CACNA2D3: variants seen among roughly 807,000 people sequenced by gnomAD.
CACNA2D3 encodes calcium voltage-gated channel auxiliary subunit alpha2delta 3, also known as voltage-dependent calcium channel subunit alpha-2/delta-3.
A neutral mutation model predicts 160.6 loss-of-function variants in CACNA2D3; 60 were observed. The ratio of observed to expected loss-of-function variants is 0.37; its 90% CI spans 0.30 to 0.46. The LOEUF (loss-of-function observed/expected upper bound fraction) is 0.46. Ranked by LOEUF, CACNA2D3 falls within the 20% of genes least tolerant of loss-of-function variation. CACNA2D3 has a pLI of 1.00. For missense variants in CACNA2D3, 1,205 were observed against 1,365.0 expected, an observed-to-expected ratio of 0.88 and a Z score of 1.85; for synonymous variants, 558 against 492.9, an observed-to-expected ratio of 1.13 and a Z score of -1.75.
chr3:54,815,641 A>G (rs1430018731), intron 13 of CACNA2D3, among the ~76,000 whole-genome samples: 1 of 152,176 alleles, frequency 6.6e-6, no homozygotes, highest in Non-Finnish European at 1.5e-5. Flanking sequence ...AATTGAGTTG[A>G]ATTAGTATGT....
chr3:54,836,601 G>T (rs1698696326), intron 14 of CACNA2D3, among the ~76,000 whole-genome samples: 1 of 152,102 alleles, frequency 6.6e-6, no homozygotes, highest in Admixed American at 6.5e-5. Context: ...AGATAATAAA[G>T]TTATTATTTA....
In CACNA2D3 at chr3:55,032,863, G is replaced by A. The variant is rs1841142; in HGVS notation, c.2987+14546G>A. 4.9e-3 allele frequency among the ~76,000 whole-genome samples: 685 copies of A among 138,390 alleles called. 20 individuals are homozygous for A. The highest frequency in any genetic ancestry group is 0.039 in the Admixed American group (494 of 12,818). 90.8% of individuals were successfully genotyped at this position (138,390 alleles called of 152,430 possible). On this transcript the variant is annotated intron_variant, in intron 35 of 37. Transcript: ENST00000474759. ...TTCCTAGCACTTAACATAGGACCTT[G>A]TGTATAAAGTAGTGCTCAGAAAGCT... is the stretch of plus-strand genomic sequence containing the variant.
intron 13 of CACNA2D3, among the ~76,000 whole-genome samples, chr3:54,764,991 CAG>C (rs1294731475): frequency 6.6e-6 from 1 of 151,996 alleles, no homozygotes; most frequent in Admixed American, 6.6e-5. Context: ...TATGTAATCT[CAG>C]GGTGATTTTT....
intron 35 of CACNA2D3, among the ~76,000 whole-genome samples, chr3:55,028,573 C>G (rs1298462853): frequency 6.6e-6 from 1 of 152,168 alleles, no homozygotes; most frequent in African/African-American, 2.4e-5. Context: ...CTTGATTACC[C>G]AGCCCCCTTT....
At chr3:55,029,601 C>A (rs358056) in intron 35 of CACNA2D3, among the ~76,000 whole-genome samples, 49,568 of 151,820 alleles carry the variant, frequency 0.33, 9,924 homozygotes, top group African/African-American at 0.57. Context: ...AGACTGTCCT[C>A]GATAAAATAG....
At chr3:54,897,502 AT>A (rs879516422) in intron 26 of CACNA2D3, among the ~76,000 whole-genome samples, 6 of 149,654 alleles carry the variant, frequency 4.0e-5, no homozygotes, top group Non-Finnish European at 5.9e-5. Context: ...TTTTCCTCGT[AT>A]TTTTTTTTTC....
intron 3 of CACNA2D3, among the ~76,000 whole-genome samples, chr3:54,331,000 G>C (rs1450403565): frequency 9.9e-5 from 15 of 152,192 alleles, no homozygotes; most frequent in Non-Finnish European, 1.0e-4. Context: ...ATAATGGAGG[G>C]GATGGGCAGA....
At chr3:54,997,529 C>T (rs910828815) in intron 31 of CACNA2D3, among the ~76,000 whole-genome samples, 35 of 151,730 alleles carry the variant, frequency 2.3e-4, no homozygotes, top group African/African-American at 7.3e-4. Context: ...ACATCCAGCA[C>T]GTGAAACCTC....
intron 2 of CACNA2D3, among the ~76,000 whole-genome samples, chr3:54,261,986 A>G (rs1299655867): frequency 6.6e-6 from 1 of 152,108 alleles, no homozygotes; most frequent in Non-Finnish European, 1.5e-5. Context: ...TTGCAGCCCC[A>G]CATGTGTCTC....
intron 3 of CACNA2D3, among the ~76,000 whole-genome samples, chr3:54,333,917 A>G (rs944232103): frequency 6.6e-6 from 1 of 152,218 alleles, no homozygotes. Flanking sequence ...TAAGGAGACA[A>G]TGCATAATTT....
chr3:54,231,212 A>T (rs1399663212), intron 2 of CACNA2D3, among the ~76,000 whole-genome samples: 1 of 152,108 alleles, frequency 6.6e-6, no homozygotes, highest in African/African-American at 2.4e-5. Flanking sequence ...AAATGTTATT[A>T]CTGCCGCATG....
chr3:54,542,393 A>C (rs922769799), intron 5 of CACNA2D3, among the ~76,000 whole-genome samples: 2 of 152,138 alleles, frequency 1.3e-5, no homozygotes, highest in African/African-American at 4.8e-5. Flanking sequence ...ATTAACTCAC[A>C]TAGGCACAAA....
intron 11 of CACNA2D3, among the ~76,000 whole-genome samples, chr3:54,667,550 C>A (rs1331285978): frequency 6.6e-6 from 1 of 152,162 alleles, no homozygotes; most frequent in Non-Finnish European, 1.5e-5. Context: ...AAAACTGATG[C>A]ATTGCCTGTC....
intron 35 of CACNA2D3, among the ~76,000 whole-genome samples, chr3:55,051,148 G>A (rs1704196829): frequency 1.3e-5 from 2 of 152,166 alleles, no homozygotes; most frequent in African/African-American, 4.8e-5. Flanking sequence ...TGCTGGTGAG[G>A]AACTGTGTTC....
At chr3:54,834,976 A>G (rs1575502690) in intron 14 of CACNA2D3, among the ~76,000 whole-genome samples, 1 of 152,206 alleles carries the variant, frequency 6.6e-6, no homozygotes, top group African/African-American at 2.4e-5. Context: ...ATGGAGAATA[A>G]TCTGCTTTAC....
At chr3:54,617,278 G>A (rs10510770) in intron 9 of CACNA2D3, among the ~76,000 whole-genome samples, 42,041 of 152,008 alleles carry the variant, frequency 0.28, 6,655 homozygotes, top group African/African-American at 0.42. Context: ...GAAGCTGCTT[G>A]TAAGTCGACT....
At chr3:55,051,405 G>C (rs1040736006) in intron 35 of CACNA2D3, among the ~76,000 whole-genome samples, 1 of 152,104 alleles carries the variant, frequency 6.6e-6, no homozygotes, top group East Asian at 1.9e-4. Flanking sequence ...GTGCCTCCCA[G>C]TTAGGCTGCC....
chr3:54,927,573 G>T (rs1701057849), intron 27 of CACNA2D3, among the ~76,000 whole-genome samples: 1 of 152,118 alleles, frequency 6.6e-6, no homozygotes, highest in African/African-American at 2.4e-5. Context: ...CTCTGAGATT[G>T]TAGCCAATTT....
intron 2 of CACNA2D3, among the ~76,000 whole-genome samples, chr3:54,179,545 C>T (rs1700742790): frequency 6.6e-6 from 1 of 152,174 alleles, no homozygotes; most frequent in Non-Finnish European, 1.5e-5. Flanking sequence ...CTGGGATTCC[C>T]TGCGATGGAC....
Sources: gnomAD v4.1 joint callset for allele counts (sites outside exome capture counted in the v4.1 genomes callset) on GRCh38, gnomAD v4.1.1 for gene constraint, MANE v1.5 for transcripts, NCBI Gene and HGNC (gene_info 2026-07-23, HGNC 2026-07-21) for gene names.